The following OPCML variants were observed in gnomAD, a reference collection of about 807,000 sequenced individuals.
OPCML encodes opioid binding protein/cell adhesion molecule like, also known as opioid-binding protein/cell adhesion molecule.
Under a neutral mutation model 37.8 loss-of-function variants are expected in OPCML, and 13 were observed. The observed-to-expected ratio is 0.34, with a 90% CI of 0.22 to 0.55. The LOEUF (loss-of-function observed/expected upper bound fraction) is 0.55, where lower values mean the gene tolerates loss of function less well. Ranked by LOEUF, OPCML falls within the 20% of genes least tolerant of loss-of-function variation. The probability of loss-of-function intolerance (pLI) is 0.91; values close to 1 mark genes in which losing one functional copy is unlikely to be tolerated. For missense variants in OPCML, 341 were observed against 435.6 expected (o/e 0.78, Z 1.93); for synonymous variants, 176 against 168.8 (o/e 1.04, Z -0.33).
At chr11:132,756,236 G>C (rs1946039272) in intron 2 of OPCML, among the ~76,000 whole-genome samples, 1 of 152,148 alleles carries the variant, frequency 6.6e-6, no homozygotes, top group Admixed American at 6.5e-5. Flanking sequence ...GAAATACTCG[G>C]ATGCTAGTGA....
chr11:132,430,761 G>A (rs1033117470), intron 7 of OPCML, among the ~76,000 whole-genome samples: 7 of 152,076 alleles, frequency 4.6e-5, no homozygotes, highest in Admixed American at 1.3e-4. Flanking sequence ...TCCCCCCTCC[G>A]TCTTGGCTTT....
At chr11:133,235,786 C>T (rs1940486545) in intron 1 of OPCML, among the ~76,000 whole-genome samples, 1 of 152,276 alleles carries the variant, frequency 6.6e-6, no homozygotes, top group East Asian at 1.9e-4. Flanking sequence ...CTCAGAGCTA[C>T]AACAAATGGG....
intron 1 of OPCML, among the ~76,000 whole-genome samples, chr11:133,530,513 G>A (rs933253464): frequency 6.6e-6 from 1 of 152,214 alleles, no homozygotes; most frequent in Non-Finnish European, 1.5e-5. Context: ...GCCTACGCAG[G>A]AAAGTTTGTC....
At chr11:132,987,401 C>T (rs1244478087) in intron 1 of OPCML, among the ~76,000 whole-genome samples, 1 of 152,100 alleles carries the variant, frequency 6.6e-6, no homozygotes, top group African/African-American at 2.4e-5. Flanking sequence ...GGGCAGCAAG[C>T]AGTTCCGTGT....
At chr11:133,081,455 T>A (rs1195660520) in intron 1 of OPCML, among the ~76,000 whole-genome samples, 1 of 152,168 alleles carries the variant, frequency 6.6e-6, no homozygotes, top group East Asian at 1.9e-4. Context: ...GCTCAACGAA[T>A]ATGTAAGGAA....
chr11:133,162,012 T>C (rs7127567), intron 1 of OPCML, among the ~76,000 whole-genome samples: 1 of 141,500 alleles, frequency 7.1e-6, no homozygotes, highest in South Asian at 2.2e-4. Context: ...TTTTTTTTTG[T>C]ATAAAATGAT....
chr11:132,515,314 A>C (rs1405220141), intron 4 of OPCML, among the ~76,000 whole-genome samples: 1 of 152,166 alleles, frequency 6.6e-6, no homozygotes, highest in East Asian at 1.9e-4. Flanking sequence ...GGAAAAACAA[A>C]AGACAGGCAG....
chr11:132,993,589 C>T (rs1275790526), intron 1 of OPCML, among the ~76,000 whole-genome samples: 3 of 152,074 alleles, frequency 2.0e-5, no homozygotes, highest in Admixed American at 6.5e-5. Flanking sequence ...GATGCGCTGC[C>T]CCGCTCCCTA....
At chr11:132,737,410 T>C (rs1945294998) in intron 2 of OPCML, among the ~76,000 whole-genome samples, 1 of 152,206 alleles carries the variant, frequency 6.6e-6, no homozygotes, top group African/African-American at 2.4e-5. Context: ...ACACATCATA[T>C]AGTCTATTAG....
At chr11:133,044,403 T>C (rs1947966713) in intron 1 of OPCML, among the ~76,000 whole-genome samples, 1 of 151,122 alleles carries the variant, frequency 6.6e-6, no homozygotes, top group Non-Finnish European at 1.5e-5. Flanking sequence ...AACAGGGGAG[T>C]AGGTAAGCTC....
chr11:133,420,971 A>G (rs1945873977), intron 1 of OPCML: 1 of 985,244 alleles, frequency 1.0e-6, no homozygotes, highest in African/African-American at 1.7e-5. Context: ...AGGTGGGTGC[A>G]TGGCTGGGAA....
chr11:133,404,854 G>A (rs1945492554), intron 1 of OPCML, among the ~76,000 whole-genome samples: 1 of 152,148 alleles, frequency 6.6e-6, no homozygotes, highest in Non-Finnish European at 1.5e-5. Context: ...GTTTAGTCTA[G>A]AGCAGAATAA....
At chr11:132,792,637 G>A (rs1219631243) in intron 2 of OPCML, among the ~76,000 whole-genome samples, 3 of 152,184 alleles carry the variant, frequency 2.0e-5, no homozygotes, top group Non-Finnish European at 2.9e-5. Flanking sequence ...GAAGTGTGAA[G>A]GAGAAGCAGG....
At chr11:133,064,695 T>C (rs532110163) in intron 1 of OPCML, 25 of 152,168 alleles carry the variant, frequency 1.6e-4, no homozygotes, top group African/African-American at 5.3e-4. Flanking sequence ...AGCTCAGGCT[T>C]TAGCGAGCCT....
chr11:132,546,165 C>T (rs575840566), intron 3 of OPCML, among the ~76,000 whole-genome samples: 1 of 152,300 alleles, frequency 6.6e-6, no homozygotes, highest in South Asian at 2.1e-4. Flanking sequence ...AGGGTAATTC[C>T]TACTGTCTTC....
chr11:132,588,034 T>C (rs2096476806), intron 3 of OPCML, among the ~76,000 whole-genome samples: 1 of 152,238 alleles, frequency 6.6e-6, no homozygotes. Context: ...CACCATACTT[T>C]ACATTATAGT....
At chr11:132,747,822 C>T (rs377192308) in intron 2 of OPCML, among the ~76,000 whole-genome samples, 4 of 152,164 alleles carry the variant, frequency 2.6e-5, no homozygotes, top group African/African-American at 9.6e-5. Flanking sequence ...GCTGTTTTGG[C>T]GACGTAGTGT....
intron 4 of OPCML, among the ~76,000 whole-genome samples, chr11:132,487,671 A>G (rs978902604): frequency 3.3e-5 from 5 of 152,112 alleles, no homozygotes; most frequent in Admixed American, 3.3e-4. Flanking sequence ...CCTCCAGGAA[A>G]TATTCCCTGA....
At chr11:133,247,164 G>A (rs560520995) in intron 1 of OPCML, among the ~76,000 whole-genome samples, 10 of 152,206 alleles carry the variant, frequency 6.6e-5, no homozygotes, top group East Asian at 1.9e-4. Flanking sequence ...AACATATCAC[G>A]AAGAATGAGA....
Sources: allele counts gnomAD v4.1 joint callset (sites outside exome capture counted in the v4.1 genomes callset), GRCh38; gene constraint gnomAD v4.1.1; transcripts MANE v1.5; gene names NCBI Gene and HGNC (gene_info 2026-07-23, HGNC 2026-07-21).